CD28: variants seen among roughly 807,000 people sequenced by gnomAD.
CD28 encodes CD28 molecule.
Under a neutral mutation model 21.4 loss-of-function variants are expected in CD28, and 8 were observed. That is an observed-to-expected ratio of 0.37 (90% CI 0.22 to 0.68). The LOEUF is 0.68. Ranked by LOEUF, CD28 falls within the 30% of genes least tolerant of loss-of-function variation. CD28 has a pLI of 0.55. For synonymous variants in CD28, 106 were observed against 104.0 expected, an observed-to-expected ratio of 1.02 and a Z score of -0.12; for missense variants, 239 against 272.2, an observed-to-expected ratio of 0.88 and a Z score of 0.86.
At chr2:203,733,228 G>A (rs1415428540) in intron 3 of CD28, among the ~76,000 whole-genome samples, 1 of 152,218 alleles carries the variant, frequency 6.6e-6, no homozygotes, top group African/African-American at 2.4e-5. Context: ...ATGTTTAGCA[G>A]CATCTCTGAC....
At position 203,726,884 on chromosome 2, in the gene CD28, T is replaced by C. The variant is rs1227622546; in HGVS notation, c.304T>C (p.Leu102=). ...ATCAGTGACATTCTACCTCCAGAAT[T>C]TGTATGTTAACCAAACAGATATTTA... ...NESVTFYLQN[L]YVNQTDIYFC... Residue 102 remains leucine (L), a synonymous_variant, in exon 2 of 4, where the codon TTG becomes CTG. Transcript: ENST00000324106. The C allele has an allele frequency of 2.5e-6, 4 of 1,614,012 alleles. No individual in the cohort carries two copies. The highest frequency in any genetic ancestry group is 3.4e-6 in the Non-Finnish European group (4 of 1,179,866).
rs768240185 is a variant in CD28, at chr2:203,706,768, T to C, written c.52+20T>C. ...TAACAGGTAAACAATGTTAATGTCT[T>C]TCTTTCTGTAAATATTTTTTGAGGT... On this transcript the variant is annotated intron_variant, in intron 1 of 3. Coordinates refer to ENST00000324106, the MANE Select transcript of CD28 (RefSeq NM_006139.4). The C allele has an allele frequency of 6.4e-7, 1 of 1,559,938 alleles. No individual in the cohort carries two copies. The highest frequency in any genetic ancestry group is 8.8e-7 in the Non-Finnish European group (1 of 1,131,068).
chr2:203,725,744 C>T (rs1581512056), intron 1 of CD28, among the ~76,000 whole-genome samples: 2 of 152,238 alleles, frequency 1.3e-5, no homozygotes, highest in East Asian at 3.9e-4. Context: ...CTATGAATTT[C>T]TTGGGGAGGC....
At chr2:203,727,924 G>T (rs1290487529) in intron 2 of CD28, among the ~76,000 whole-genome samples, 1 of 151,888 alleles carries the variant, frequency 6.6e-6, no homozygotes, top group Non-Finnish European at 1.5e-5. Context: ...TGACCCGCCC[G>T]TGTTGGCCTC....
intron 3 of CD28, among the ~76,000 whole-genome samples, chr2:203,732,196 G>C: frequency 6.6e-6 from 1 of 152,178 alleles, no homozygotes; most frequent in Non-Finnish European, 1.5e-5. Flanking sequence ...GGAACTTCCT[G>C]AGGGCCTGAT....
At chr2:203,729,899 C>T in intron 3 of CD28, 127 bp downstream of exon 3, 1 of 926,532 alleles carries the variant, frequency 1.1e-6, no homozygotes, top group Admixed American at 2.5e-5. Context: ...TTTCCCCATG[C>T]TTGAGTAGGT....
chr2:203,723,012 G>A (rs1693644302), intron 1 of CD28, among the ~76,000 whole-genome samples: 1 of 152,158 alleles, frequency 6.6e-6, no homozygotes, highest in South Asian at 2.1e-4. Context: ...ATGAATGGAT[G>A]CCTGGGTCCT....
chr2:203,727,705 A>G (rs1693790827), intron 2 of CD28, among the ~76,000 whole-genome samples: 1 of 146,774 alleles, frequency 6.8e-6, no homozygotes, highest in South Asian at 2.1e-4. Flanking sequence ...TTTGAGAGGG[A>G]GTCTTGCTCT....
intron 1 of CD28, among the ~76,000 whole-genome samples, chr2:203,707,550 C>T (rs1581495227): frequency 6.6e-6 from 1 of 152,184 alleles, no homozygotes; most frequent in South Asian, 2.1e-4. Flanking sequence ...CTTTTACAAT[C>T]GGCCAAAATG....
intron 1 of CD28, among the ~76,000 whole-genome samples, chr2:203,715,427 A>G (rs530824754): frequency 2.3e-4 from 35 of 152,204 alleles, no homozygotes; most frequent in Middle Eastern, 3.4e-3. Context: ...TTCTAACATT[A>G]GGAGATCAGA....
intron 1 of CD28, among the ~76,000 whole-genome samples, chr2:203,716,465 T>A (rs1445812325): frequency 6.6e-6 from 1 of 152,162 alleles, no homozygotes; most frequent in Non-Finnish European, 1.5e-5. Context: ...AAGAATCAAG[T>A]ACATTAAGTC....
At position 203,734,781 on chromosome 2, in the gene CD28, C is replaced by A. The variant is rs374028740; in HGVS notation, c.535-3C>A. ...TCCATACTGACACTTCTCTTTCCTGCAGGTGAGGAGTAAGAGGAGCAGGCT... is the reference window on the plus strand; with the variant it reads ...TCCATACTGACACTTCTCTTTCCTGAAGGTGAGGAGTAAGAGGAGCAGGCT... On this transcript the variant is annotated splice_region_variant and splice_polypyrimidine_tract_variant and intron_variant, in intron 3 of 3. Coordinates refer to ENST00000324106, the MANE Select transcript of CD28 (RefSeq NM_006139.4). 3.1e-6 allele frequency: 5 copies of A among 1,614,166 alleles called. No individual in the cohort carries two copies. The African/African-American group carries it at 5.3e-5, about 17-fold the overall frequency.
At chr2:203,732,098 C>A (rs1581518337) in intron 3 of CD28, among the ~76,000 whole-genome samples, 1 of 152,096 alleles carries the variant, frequency 6.6e-6, no homozygotes, top group African/African-American at 2.4e-5. Flanking sequence ...ATTATGGATC[C>A]CTGGAGTTTA....
intron 1 of CD28, among the ~76,000 whole-genome samples, chr2:203,719,812 T>G (rs1693558302): frequency 6.6e-6 from 1 of 152,214 alleles, no homozygotes; most frequent in Non-Finnish European, 1.5e-5. Flanking sequence ...ATTTTGGGCT[T>G]CATTTTCTTT....
rs564106624 is a variant in CD28 at position 203,735,944 on chromosome 2, G to T, written c.*1032G>T. 1 of 152,396 alleles carries T rather than the reference G, an allele frequency of 6.6e-6. No homozygotes were observed. Among genetic ancestry groups the T allele is most frequent in the Admixed American group, 6.5e-5 (1 of 15,296 alleles). The allele number at this position is 152,396 out of a possible 1,614,324, so 9.4% of individuals were successfully genotyped here. On this transcript the variant is annotated 3_prime_UTR_variant, in exon 4 of 4. Transcript: ENST00000324106. ...AATCGCTTGAACCTGGCAGGCGGAG[G>T]TTGCAGTGAGCCGAGATAGTGCCAC...
rs116150295 is a variant in CD28, at chr2:203,713,548, A to G, written c.52+6800A>G. On this transcript the variant is annotated intron_variant, in intron 1 of 3. Coordinates refer to ENST00000324106, the MANE Select transcript of CD28 (RefSeq NM_006139.4). ...TTAATAGCATTAAACATAAGAGGGA[A>G]AGGAGTGAATAATGGCTTGGGATTT... Among the ~76,000 whole-genome samples the G allele has an allele frequency of 9.4e-3, 1,424 of 152,208 alleles. 27 individuals are homozygous for G. Among genetic ancestry groups the G allele is most frequent in the Admixed American group, 0.026 (399 of 15,284 alleles).
At chr2:203,720,308 A>G (rs906136593) in intron 1 of CD28, among the ~76,000 whole-genome samples, 5 of 152,238 alleles carry the variant, frequency 3.3e-5, no homozygotes, top group African/African-American at 1.2e-4. Flanking sequence ...ATTCACCTTC[A>G]AAACAACTTG....
chr2:203,728,380 T>C (rs1038050076), intron 2 of CD28, among the ~76,000 whole-genome samples: 31 of 152,206 alleles, frequency 2.0e-4, no homozygotes, highest in African/African-American at 7.2e-4. Flanking sequence ...CAAGTAAAGT[T>C]TGATTTTTTG....
chr2:203,734,381 CG>C (rs750841394), intron 3 of CD28, among the ~76,000 whole-genome samples: 13 of 152,122 alleles, frequency 8.5e-5, no homozygotes, highest in Non-Finnish European at 1.2e-4. Context: ...AAGTCCTCTT[CG>C]GTTAATTATG....
Sources: allele counts gnomAD v4.1 joint callset (sites outside exome capture counted in the v4.1 genomes callset), GRCh38; gene constraint gnomAD v4.1.1; transcripts MANE v1.5; gene names NCBI Gene and HGNC (gene_info 2026-07-23, HGNC 2026-07-21).